The following NBEA variants were observed in gnomAD, a reference collection of about 807,000 sequenced individuals.
NBEA encodes the protein neurobeachin, also known as lysosomal-trafficking regulator 2.
Under a neutral mutation model 343.4 loss-of-function variants are expected in NBEA, and 44 were observed. That is an observed-to-expected ratio of 0.13 (90% CI 0.10 to 0.16). NBEA has a LOEUF of 0.16. NBEA is among the 10% of genes least tolerant of loss of function. NBEA has a pLI of 1.00. For synonymous variants in NBEA, 1,175 were observed against 1,238.7 expected, an observed-to-expected ratio of 0.95 and a Z score of 1.08; for missense variants, 2,555 against 3,631.3, an observed-to-expected ratio of 0.70 and a Z score of 7.62.
chr13:35,636,676 T>A (rs1408715), intron 49 of NBEA, among the ~76,000 whole-genome samples: 29,064 of 152,110 alleles, frequency 0.19, 3,382 homozygotes, highest in East Asian at 0.45. Flanking sequence ...TTAGTTTATA[T>A]AAACTTATTC....
At chr13:35,121,164 G>A (rs1751868468) in intron 16 of NBEA, among the ~76,000 whole-genome samples, 1 of 151,890 alleles carries the variant, frequency 6.6e-6, no homozygotes, top group South Asian at 2.1e-4. Context: ...GAGTGCAGTG[G>A]TACCATCTCG....
intron 10 of NBEA, among the ~76,000 whole-genome samples, chr13:35,080,684 T>C (rs927059446): frequency 8.5e-5 from 13 of 152,156 alleles, no homozygotes; most frequent in Admixed American, 2.6e-4. Context: ...ATCTTTAATA[T>C]AGTTGAAGAC....
intron 10 of NBEA, among the ~76,000 whole-genome samples, chr13:35,086,960 T>A (rs1197115189): frequency 6.6e-6 from 1 of 152,036 alleles, no homozygotes; most frequent in Non-Finnish European, 1.5e-5. Context: ...GAGAGATGTA[T>A]GTTCACGTCC....
chr13:35,266,369 A>G (rs1373907483), intron 34 of NBEA, among the ~76,000 whole-genome samples: 2 of 151,344 alleles, frequency 1.3e-5, no homozygotes, highest in Non-Finnish European at 3.0e-5. Context: ...TTAGTATGTC[A>G]AAGAGATATC....
intron 10 of NBEA, among the ~76,000 whole-genome samples, chr13:35,083,941 AAC>A (rs2064575958): frequency 6.6e-6 from 1 of 152,170 alleles, no homozygotes; most frequent in Non-Finnish European, 1.5e-5. Flanking sequence ...TCTCTGATAA[AAC>A]AGATTTAAAC....
intron 34 of NBEA, among the ~76,000 whole-genome samples, chr13:35,238,371 C>T (rs183454863): frequency 1.8e-4 from 27 of 152,296 alleles, no homozygotes; most frequent in African/African-American, 5.8e-4. Flanking sequence ...CCCTTTGATT[C>T]GCAAAGCAAC....
rs374804914 is a variant in NBEA at position 35,649,754 on chromosome 13, G to T, written c.7870G>T (p.Ala2624Ser). 6.2e-7 allele frequency: 1 copy of T among 1,613,828 alleles called. No individual in the cohort carries two copies. Among genetic ancestry groups the T allele is most frequent in the Non-Finnish European group, 8.5e-7 (1 of 1,179,886 alleles). ...FPSNSPVTHV[A>S]ANTLPHLTIP... ...TTCAAATTCTCCAGTAACCCATGTG[G>T]CAGCCAACACTCTGCCCCACTTGAC... The change falls in exon 52 of 59, where the codon GCA (alanine) becomes TCA (serine). Residue 2624 changes from alanine to serine, a missense_variant. Physicochemically the swap from Ala to Ser is moderately conservative, Grantham distance 99. Around this residue, in one of 21 missense-constraint regions of NBEA, gnomAD observed 61 missense variants for 132.1 expected, o/e 0.46. Coordinates refer to ENST00000379939, the MANE Select transcript of NBEA (RefSeq NM_001385012.1).
chr13:35,032,624 A>G (rs1483760050), intron 1 of NBEA, among the ~76,000 whole-genome samples: 1 of 151,462 alleles, frequency 6.6e-6, no homozygotes, highest in Non-Finnish European at 1.5e-5. Flanking sequence ...GTGTACTCAT[A>G]GTGTACAAGT....
At chr13:35,020,289 G>T (rs752899350) in intron 1 of NBEA, among the ~76,000 whole-genome samples, 1 of 151,918 alleles carries the variant, frequency 6.6e-6, no homozygotes, top group Non-Finnish European at 1.5e-5. Flanking sequence ...ACATACTTAG[G>T]TATTATTATT....
intron 38 of NBEA, among the ~76,000 whole-genome samples, chr13:35,405,546 C>T (rs1292935909): frequency 6.6e-6 from 1 of 151,974 alleles, no homozygotes; most frequent in African/African-American, 2.4e-5. Context: ...ATTTTAATAC[C>T]AGGCTTGTAA....
chr13:35,601,852 C>T (rs1477058992), intron 47 of NBEA, among the ~76,000 whole-genome samples: 2 of 149,608 alleles, frequency 1.3e-5, no homozygotes, highest in African/African-American at 4.9e-5. Context: ...GAGCAGGAAA[C>T]CTGGATTTAA....
chr13:35,130,665 T>A (rs1314433380), intron 17 of NBEA, among the ~76,000 whole-genome samples: 2 of 151,642 alleles, frequency 1.3e-5, no homozygotes, highest in Admixed American at 1.3e-4. Flanking sequence ...ATCTCAAAAG[T>A]ATAATTTGAA....
chr13:35,140,599 A>G lies in NBEA; in HGVS notation c.2337-1670A>G, dbSNP rs984862791. ...GAACAGATGCCCTAGCTTCCTTTTG[A>G]GTTTAGGTCATTTTGCTTTTTCCTT... On this transcript the variant is annotated intron_variant, in intron 17 of 58. Transcript: ENST00000379939. 3.9e-5 allele frequency among the ~76,000 whole-genome samples: 6 copies of G among 151,974 alleles called. No individual in the cohort carries two copies. In the South Asian group the frequency reaches 1.2e-3, roughly 32 times the overall value.
chr13:35,456,572 A>G (rs2046590047), intron 40 of NBEA, among the ~76,000 whole-genome samples: 1 of 152,078 alleles, frequency 6.6e-6, no homozygotes, highest in Non-Finnish European at 1.5e-5. Context: ...TTAATATAAA[A>G]TCTTGATTAC....
intron 35 of NBEA, among the ~76,000 whole-genome samples, chr13:35,292,354 A>G (rs1005162464): frequency 6.6e-6 from 1 of 152,040 alleles, no homozygotes; most frequent in African/African-American, 2.4e-5. Flanking sequence ...ATTTTCATCC[A>G]TTAACAGGGC....
chr13:35,442,856 T>C (rs1429331244), intron 39 of NBEA, among the ~76,000 whole-genome samples: 2 of 152,152 alleles, frequency 1.3e-5, no homozygotes, highest in African/African-American at 2.4e-5. Context: ...CTTGCTCTAA[T>C]AACCTTTTCT....
intron 47 of NBEA, among the ~76,000 whole-genome samples, chr13:35,595,614 C>T (rs1474823156): frequency 1.3e-5 from 2 of 152,070 alleles, no homozygotes; most frequent in African/African-American, 4.8e-5. Context: ...CTGTAGTGAA[C>T]ATCTTTGCAC....
chr13:35,547,106 TG>T (rs1251836798), intron 41 of NBEA, among the ~76,000 whole-genome samples: 3 of 152,180 alleles, frequency 2.0e-5, no homozygotes, highest in Non-Finnish European at 4.4e-5. Flanking sequence ...AAATATAACA[TG>T]GGTTATTGTA....
chr13:35,475,038 G>A (rs1416753766), intron 41 of NBEA: 5 of 1,599,380 alleles, frequency 3.1e-6, no homozygotes, highest in Non-Finnish European at 4.3e-6. Flanking sequence ...TAATAATTTC[G>A]GCTCTTGATT....
Sources: gnomAD v4.1 joint callset for allele counts (sites outside exome capture counted in the v4.1 genomes callset) on GRCh38, gnomAD v4.1.1 for gene constraint, gnomAD v4.1.1 regional missense constraint, MANE v1.5 for transcripts, NCBI Gene and HGNC (gene_info 2026-07-23, HGNC 2026-07-21) for gene names.